The following CLSTN2 variants were observed in gnomAD, a reference collection of about 807,000 sequenced individuals.
CLSTN2 encodes calsyntenin-2.
In CLSTN2, 48 loss-of-function variants were observed where a neutral mutation model predicts 101.2. The observed-to-expected ratio is 0.47, with a 90% CI of 0.38 to 0.60. CLSTN2 has a LOEUF of 0.60. CLSTN2 is among the 20% of genes least tolerant of loss of function. The pLI is 0.00. For missense variants in CLSTN2, 1,160 were observed against 1,238.2 expected, an observed-to-expected ratio of 0.94 and a Z score of 0.95; for synonymous variants, 481 against 463.6, an observed-to-expected ratio of 1.04 and a Z score of -0.48.
At chr3:140,103,896 A>G (rs147601071) in intron 1 of CLSTN2, among the ~76,000 whole-genome samples, 61 of 152,348 alleles carry the variant, frequency 4.0e-4, no homozygotes, top group African/African-American at 1.4e-3. Flanking sequence ...ACAATACAGA[A>G]TAATATCTGC....
intron 5 of CLSTN2, among the ~76,000 whole-genome samples, chr3:140,439,514 A>T (rs10935382): frequency 0.52 from 79,651 of 152,118 alleles, 22,967 homozygotes; most frequent in South Asian, 0.71. Context: ...TGGAAAGAAC[A>T]TCGTGAGCAA....
intron 1 of CLSTN2, among the ~76,000 whole-genome samples, chr3:139,966,401 A>G (rs1050881056): frequency 1.3e-5 from 2 of 152,136 alleles, no homozygotes; most frequent in African/African-American, 4.8e-5. Flanking sequence ...GGTTGTCTGT[A>G]CTTCCCCTAT....
intron 8 of CLSTN2, among the ~76,000 whole-genome samples, chr3:140,528,105 T>A (rs1935180000): frequency 6.6e-6 from 1 of 152,158 alleles, no homozygotes; most frequent in East Asian, 1.9e-4. Flanking sequence ...CATTTCTTTC[T>A]CCTTAATTTT....
chr3:140,565,829 C>T (rs1172798878), intron 16 of CLSTN2, among the ~76,000 whole-genome samples: 1 of 152,214 alleles, frequency 6.6e-6, no homozygotes, highest in South Asian at 2.1e-4. Context: ...TGAGTTCATG[C>T]CTTGGAATTT....
intron 1 of CLSTN2, among the ~76,000 whole-genome samples, chr3:140,000,922 G>A (rs2006821249): frequency 6.6e-6 from 1 of 152,202 alleles, no homozygotes; most frequent in South Asian, 2.1e-4. Context: ...TTAGGGTTCT[G>A]TGGTTATTGG....
At chr3:140,143,177 A>G (rs919486017) in intron 1 of CLSTN2, among the ~76,000 whole-genome samples, 10 of 152,202 alleles carry the variant, frequency 6.6e-5, no homozygotes, top group African/African-American at 2.4e-4. Context: ...CATAATGACA[A>G]TCATCGTCAT....
chr3:140,169,428 C>T (rs894936115), intron 1 of CLSTN2, among the ~76,000 whole-genome samples: 2 of 151,982 alleles, frequency 1.3e-5, no homozygotes, highest in African/African-American at 2.4e-5. Context: ...TGAATAATGA[C>T]AATTTTACTT....
At chr3:140,232,541 G>A (rs754701671) in intron 2 of CLSTN2, among the ~76,000 whole-genome samples, 13 of 152,002 alleles carry the variant, frequency 8.6e-5, no homozygotes, top group East Asian at 3.9e-4. Flanking sequence ...CAGTTCCTAC[G>A]GGCTGATGTT....
chr3:140,333,355 A>G (rs2087406884), intron 2 of CLSTN2, among the ~76,000 whole-genome samples: 1 of 152,198 alleles, frequency 6.6e-6, no homozygotes, highest in South Asian at 2.1e-4. Flanking sequence ...TCTGGGTCTT[A>G]GCGTGTCTCT....
At chr3:140,255,099 G>C (rs1203891319) in intron 2 of CLSTN2, among the ~76,000 whole-genome samples, 1 of 152,130 alleles carries the variant, frequency 6.6e-6, no homozygotes, top group Non-Finnish European at 1.5e-5. Flanking sequence ...ACCAGAATGA[G>C]ATACCATCTC....
chr3:140,147,432 A>G (rs113696558), intron 1 of CLSTN2, among the ~76,000 whole-genome samples: 1,891 of 152,332 alleles, frequency 0.012, 38 homozygotes, highest in African/African-American at 0.042. Flanking sequence ...CAGCCCTGGC[A>G]TCTGTCCCCT....
At chr3:140,055,449 A>C (rs2008079456) in intron 1 of CLSTN2, among the ~76,000 whole-genome samples, 1 of 152,190 alleles carries the variant, frequency 6.6e-6, no homozygotes, top group Non-Finnish European at 1.5e-5. Context: ...TTTCAAAACC[A>C]CATGGCTGTT....
At chr3:140,513,053 C>A (rs1193907654) in intron 8 of CLSTN2, among the ~76,000 whole-genome samples, 1 of 152,232 alleles carries the variant, frequency 6.6e-6, no homozygotes, top group East Asian at 1.9e-4. Flanking sequence ...GTCATGTCAT[C>A]TGCAAGCAAA....
chr3:140,524,043 G>C (rs1935088397), intron 8 of CLSTN2, among the ~76,000 whole-genome samples: 1 of 152,208 alleles, frequency 6.6e-6, no homozygotes, highest in African/African-American at 2.4e-5. Flanking sequence ...GAATAGATAA[G>C]ACGAAAGCAT....
chr3:140,153,621 T>G (rs1233314610), intron 1 of CLSTN2, among the ~76,000 whole-genome samples: 1 of 152,228 alleles, frequency 6.6e-6, no homozygotes, highest in Non-Finnish European at 1.5e-5. Context: ...TCTCAAATTG[T>G]TACCTCACCT....
At chr3:140,468,902 A>G (rs983283643) in intron 8 of CLSTN2, among the ~76,000 whole-genome samples, 2 of 152,238 alleles carry the variant, frequency 1.3e-5, no homozygotes, top group Admixed American at 1.3e-4. Context: ...TCAGGCTGCC[A>G]TAACAAAGTA....
At chr3:140,078,929 A>G (rs1216435350) in intron 1 of CLSTN2, among the ~76,000 whole-genome samples, 1 of 152,230 alleles carries the variant, frequency 6.6e-6, no homozygotes, top group Admixed American at 6.5e-5. Context: ...GGGAATTGAG[A>G]TAGGAATATA....
intron 2 of CLSTN2, among the ~76,000 whole-genome samples, chr3:140,387,832 G>A (rs1271480416): frequency 6.6e-6 from 1 of 152,164 alleles, no homozygotes; most frequent in Admixed American, 6.5e-5. Flanking sequence ...CTACATTTTG[G>A]TATAGCAATT....
At chr3:140,390,672 A>T (rs1044896165) in intron 2 of CLSTN2, among the ~76,000 whole-genome samples, 1 of 152,164 alleles carries the variant, frequency 6.6e-6, no homozygotes, top group Non-Finnish European at 1.5e-5. Flanking sequence ...CTTATTCTTT[A>T]TGATTGTGGA....
Sources: allele counts gnomAD v4.1 joint callset (sites outside exome capture counted in the v4.1 genomes callset), GRCh38; gene constraint gnomAD v4.1.1; transcripts MANE v1.5; gene names NCBI Gene and HGNC (gene_info 2026-07-23, HGNC 2026-07-21).